Variants in FANCA observed in about 807,000 individuals in gnomAD.
FANCA encodes Fanconi anemia group A protein.
In FANCA, 236 loss-of-function variants were observed where a neutral mutation model predicts 194.3. The ratio of observed to expected loss-of-function variants is 1.21; its 90% confidence interval spans 1.09 to 1.35. FANCA has a LOEUF of 1.35. Among genes scored for constraint, FANCA ranks in the 40% most tolerant of loss-of-function variants. The probability of loss-of-function intolerance (pLI) is 0.00; values close to 1 mark genes in which losing one functional copy is unlikely to be tolerated. For synonymous variants in FANCA, 1,014 were observed against 715.8 expected, an observed-to-expected ratio of 1.42 and a Z score of -6.65; for missense variants, 2,628 against 1,813.9, an observed-to-expected ratio of 1.45 and a Z score of -8.15.
intron 8 of FANCA, 82 bp downstream of exon 8, chr16:89,803,177 A>C: frequency 7.7e-7 from 1 of 1,298,122 alleles, no homozygotes. Flanking sequence ...ACGTTTCAAT[A>C]GAGAGACACG....
chr16:89,784,720 A>C, intron 15 of FANCA, 134 bp downstream of exon 15: 2 of 660,700 alleles, frequency 3.0e-6, no homozygotes, highest in Non-Finnish European at 2.9e-6. Flanking sequence ...GGGAAGGGGA[A>C]GGGGAAGGGG....
Position 89,795,996 on chromosome 16 carries a change from T to C in FANCA, c.916A>G (p.Thr306Ala), listed in dbSNP as rs748849241. The C allele has an allele frequency of 6.2e-7, 1 of 1,614,068 alleles. No homozygotes were observed. The highest frequency in any genetic ancestry group is 8.5e-7 in the Non-Finnish European group (1 of 1,179,948). Reference protein sequence around the residue: ...RCWFGVFSGHTLGSVISTDPL... With the variant: ...RCWFGVFSGHALGSVISTDPL... ...TCTGTGGAAATTACACTGCCAAGCG[T>C]GTGTCCACTGAACACTCCGAACCTG... Residue 306 changes from threonine (T) to alanine (A), a missense_variant, in exon 11 of 43, where the codon ACG becomes GCG. Coordinates refer to ENST00000389301, the MANE Select transcript of FANCA (RefSeq NM_000135.4).
Position 89,769,958 on chromosome 16 carries a change from T to C in FANCA, c.2383A>G (p.Arg795Gly), listed in dbSNP as rs767455904. ...ACATCCACCTCTGGGAGCGCAGACC[T>C]GGACTCACCCAGGTGCACGGCCAGG... The part of the protein sequence containing the change: ...AALAVHLGES[R>G]SALPEVDVGP... The change falls in exon 26 of 43, where the codon AGG (arginine) becomes GGG (glycine). Residue 795 changes from arginine (R) to glycine (G), a missense_variant. Arg to Gly is a moderately radical substitution (Grantham distance 125, BLOSUM62 -2). Transcript: ENST00000389301. 8.7e-6 allele frequency: 14 copies of C among 1,613,904 alleles called. 1 individual carries two copies. The East Asian group carries it at 2.7e-4, about 31-fold the overall frequency.
Position 89,743,547 on chromosome 16 carries a change from G to C in FANCA, c.3627-609C>G, listed in dbSNP as rs1210757580. Reference sequence around the variant, plus strand: ...TCTCAAATAAACAAAAACGAGGCAGGGCGTGGTGGTTCACGCCTGTAATCC... The same window carrying C: ...TCTCAAATAAACAAAAACGAGGCAGCGCGTGGTGGTTCACGCCTGTAATCC... On this transcript the variant is annotated intron_variant, in intron 36 of 42. Transcript: ENST00000389301. Among the ~76,000 whole-genome samples the C allele has an allele frequency of 5.3e-5, 8 of 152,308 alleles. 1 individual carries two copies. The South Asian group carries it at 1.0e-3, about 20-fold the overall frequency.
chr16:89,792,675 A>C (rs1330153266), intron 11 of FANCA, 128 bp from the exon 12 acceptor site: 2 of 746,428 alleles, frequency 2.7e-6, no homozygotes, highest in Non-Finnish European at 4.7e-6. Flanking sequence ...TGTAGAAAGA[A>C]AGATACAAGA....
chr16:89,768,857 T>TC, intron 26 of FANCA, among the ~76,000 whole-genome samples: 1 of 152,228 alleles, frequency 6.6e-6, no homozygotes, highest in Middle Eastern at 3.4e-3. Flanking sequence ...CCTGGATGCC[T>TC]CCCTCCTCAC....
chr16:89,813,705 T>C (rs1420243922), intron 3 of FANCA, among the ~76,000 whole-genome samples: 1 of 152,156 alleles, frequency 6.6e-6, no homozygotes, highest in Non-Finnish European at 1.5e-5. Flanking sequence ...AGTGCTGCGA[T>C]TATAGGCGTG....
intron 20 of FANCA, among the ~76,000 whole-genome samples, chr16:89,777,821 T>C (rs1006547): frequency 0.4 from 61,369 of 151,770 alleles, 13,588 homozygotes; most frequent in East Asian, 0.75. Context: ...TTTCCTTCAG[T>C]TCTCCTCTCT....
chr16:89,791,334 A>G, intron 14 of FANCA, 69 bp downstream of exon 14: 8 of 1,565,426 alleles, frequency 5.1e-6, no homozygotes, highest in South Asian at 1.1e-5. Context: ...AGGTGGGGAC[A>G]GCATGGTCCC....
chr16:89,770,140 G>T, intron 25 of FANCA, 26 bp downstream of exon 25: 1 of 1,575,000 alleles, frequency 6.3e-7, no homozygotes, highest in Non-Finnish European at 8.6e-7. Context: ...GCCCCCAAGG[G>T]TGGCCCCCAT....
chr16:89,782,699 AAC>A (rs2039761093), intron 17 of FANCA, among the ~76,000 whole-genome samples, 158 bp downstream of exon 17: 1 of 152,146 alleles, frequency 6.6e-6, no homozygotes, highest in African/African-American at 2.4e-5. Flanking sequence ...GGGACACAGC[AAC>A]ACAGAGGCCC....
chr16:89,758,733 C>T (rs1388926383), intron 29 of FANCA, 28 bp from the exon 30 acceptor site: 1 of 1,611,816 alleles, frequency 6.2e-7, no homozygotes, highest in Non-Finnish European at 8.5e-7. Context: ...GCTATCAATT[C>T]TGAGAAATGC....
intron 11 of FANCA, among the ~76,000 whole-genome samples, chr16:89,793,753 G>T (rs963235954): frequency 6.6e-6 from 1 of 151,886 alleles, no homozygotes; most frequent in African/African-American, 2.4e-5. Context: ...GATACTTTTT[G>T]TATTTTTATT....
chr16:89,816,041 C>G lies in FANCA; in HGVS notation c.80-55G>C, dbSNP rs566451350. ...ACAGCACAATTCACACACGGGGTCC[C>G]CGGCCCGACGCGCAGGTGGACGCCG... On this transcript the variant is annotated intron_variant, in intron 1 of 42. Transcript: ENST00000389301. 3.4e-4 allele frequency: 465 copies of G among 1,374,638 alleles called. 2 individuals carry two copies. Among genetic ancestry groups the G allele is most frequent in the Middle Eastern group, 2.7e-3 (15 of 5,598 alleles). 85.2% of individuals were successfully genotyped at this position (1,374,638 alleles called of 1,614,324 possible). A position where few individuals can be genotyped will look rare whatever the true frequency, so the allele number is the denominator to read the frequency against.
chr16:89,738,085 C>CGGT lies in FANCA; in HGVS notation c.*513_*515dup. 6.2e-7 allele frequency: 1 copy of CGGT among 1,614,060 alleles called. No individual in the cohort carries two copies. The highest frequency in any genetic ancestry group is 8.5e-7 in the Non-Finnish European group (1 of 1,180,032). ...CTTTGCCTGTGACCAGTGTGGCCGG[C>CGGT]GGTTTGAGAAGGCCCACAACCTCAA... On this transcript the variant is annotated 3_prime_UTR_variant, in exon 43 of 43. Transcript: ENST00000389301.
At chr16:89,809,226 G>T (rs114880751) in intron 5 of FANCA, among the ~76,000 whole-genome samples, 1 of 152,032 alleles carries the variant, frequency 6.6e-6, no homozygotes, top group Middle Eastern at 3.4e-3. Context: ...ACTCTTCACA[G>T]TCCGTGCAGG....
chr16:89,809,019 C>T (rs1436597151), intron 5 of FANCA, among the ~76,000 whole-genome samples: 27 of 152,006 alleles, frequency 1.8e-4, no homozygotes, highest in Non-Finnish European at 4.0e-4. Flanking sequence ...CATTCTCCTG[C>T]CTCAGCCTCC....
At chr16:89,772,057 G>C (rs75889133) in intron 22 of FANCA, among the ~76,000 whole-genome samples, 3 of 152,302 alleles carry the variant, frequency 2.0e-5, no homozygotes, top group Admixed American at 6.5e-5. Context: ...GATTGGCTGA[G>C]AGGGGGACAT....
At chr16:89,787,832 G>T (rs573544999) in intron 14 of FANCA, among the ~76,000 whole-genome samples, 1 of 151,624 alleles carries the variant, frequency 6.6e-6, no homozygotes, top group African/African-American at 2.4e-5. Context: ...TCAAATTCAC[G>T]ATCATTTGGT....
Sources: gnomAD v4.1 joint callset for allele counts (sites outside exome capture counted in the v4.1 genomes callset) on GRCh38, gnomAD v4.1.1 for gene constraint, MANE v1.5 for transcripts, NCBI Gene and HGNC (gene_info 2026-07-23, HGNC 2026-07-21) for gene names.